Variants in EEFSEC observed in about 807,000 individuals in gnomAD.
EEFSEC encodes eukaryotic elongation factor, selenocysteine-tRNA specific, also known as selenocysteine-specific elongation factor.
Under a neutral mutation model 42.1 loss-of-function variants are expected in EEFSEC, and 43 were observed. That is an observed-to-expected ratio of 1.02 (90% CI 0.80 to 1.32). The LOEUF is 1.32. Among genes scored for constraint, EEFSEC ranks in the 40% most tolerant of loss-of-function variants. The pLI is 0.00. For synonymous variants in EEFSEC, 354 were observed against 339.1 expected, an observed-to-expected ratio of 1.04 and a Z score of -0.48; for missense variants, 745 against 803.6, an observed-to-expected ratio of 0.93 and a Z score of 0.88.
At chr3:128,423,068 G>A in the EEFSEC span, among the ~76,000 whole-genome samples, 2 of 152,228 alleles carry the variant, frequency 1.3e-5, no homozygotes, top group South Asian at 2.1e-4. Context: ...CTGTGCCTCA[G>A]CGAAATGAAA....
intron 1 of EEFSEC, among the ~76,000 whole-genome samples, chr3:128,245,666 T>A (rs1157871472): frequency 2.0e-5 from 3 of 152,140 alleles, no homozygotes; most frequent in Non-Finnish European, 2.9e-5. Flanking sequence ...AGCAGTGGTG[T>A]CAGGAGCCCT....
chr3:128,363,754 A>G (rs1031708541), intron 6 of EEFSEC, among the ~76,000 whole-genome samples: 26 of 152,356 alleles, frequency 1.7e-4, no homozygotes, highest in Admixed American at 6.5e-4. Context: ...GCTTGCATGA[A>G]TGAATAAATG....
At chr3:128,169,743 T>C (rs1164297408) in intron 1 of EEFSEC, among the ~76,000 whole-genome samples, 1 of 152,198 alleles carries the variant, frequency 6.6e-6, no homozygotes, top group Non-Finnish European at 1.5e-5. Flanking sequence ...TAAGGACACA[T>C]TCCTGAACCA....
At chr3:128,372,206 A>T (rs1576679921) in intron 6 of EEFSEC, among the ~76,000 whole-genome samples, 1 of 152,170 alleles carries the variant, frequency 6.6e-6, no homozygotes. Flanking sequence ...CTGTCTCTGG[A>T]GGGTCTCTCC....
intron 1 of EEFSEC, among the ~76,000 whole-genome samples, chr3:128,195,899 G>A (rs1044759962): frequency 6.6e-6 from 1 of 152,246 alleles, no homozygotes; most frequent in African/African-American, 2.4e-5. Flanking sequence ...ACTATTTCAG[G>A]AAGTGTTTGG....
At chr3:128,367,236 A>AG (rs2067601006) in intron 6 of EEFSEC, among the ~76,000 whole-genome samples, 1 of 152,248 alleles carries the variant, frequency 6.6e-6, no homozygotes, top group Non-Finnish European at 1.5e-5. Flanking sequence ...ATGAATTTGA[A>AG]GGGACACAGT....
chr3:128,342,665 G>A (rs1301543209), intron 5 of EEFSEC, among the ~76,000 whole-genome samples: 1 of 152,212 alleles, frequency 6.6e-6, no homozygotes, highest in African/African-American at 2.4e-5. Flanking sequence ...GTGCTTTCAG[G>A]GTGGTGCCTG....
At chr3:128,421,486 G>C in the EEFSEC span, among the ~76,000 whole-genome samples, 13 of 152,176 alleles carry the variant, frequency 8.5e-5, no homozygotes, top group Middle Eastern at 3.2e-3. Context: ...CACAGTCTCC[G>C]GGACCTGACT....
chr3:128,361,661 G>A lies in EEFSEC; in HGVS notation c.1600+3288G>A, dbSNP rs117229127. 7.9e-5 allele frequency among the ~76,000 whole-genome samples: 12 copies of A among 152,302 alleles called. No homozygotes were observed. In the East Asian group the frequency reaches 1.2e-3, roughly 15 times the overall value. On this transcript the variant is annotated intron_variant, in intron 6 of 6. Coordinates refer to ENST00000254730, the MANE Select transcript of EEFSEC (RefSeq NM_021937.5). ...GTGGGAAATCAGAGGGCTGGGGGAC[G>A]GCCCCATCCTTCCTGATATCCAAGG...
intron 5 of EEFSEC, among the ~76,000 whole-genome samples, chr3:128,342,091 G>A (rs1189759833): frequency 2.0e-5 from 3 of 152,212 alleles, no homozygotes; most frequent in Non-Finnish European, 2.9e-5. Context: ...ACAGAGCCAG[G>A]GCCAGCACCT....
At position 128,197,270 on chromosome 3, in the gene EEFSEC, A is replaced by G. The variant is rs115348104; in HGVS notation, c.316+43447A>G. Among the ~76,000 whole-genome samples, 1,113 of 152,206 alleles carry G rather than the reference A, an allele frequency of 7.3e-3. 7 individuals are homozygous for G. Among genetic ancestry groups the G allele is most frequent in the Non-Finnish European group, 9.8e-3 (667 of 67,994 alleles). On this transcript the variant is annotated intron_variant, in intron 1 of 6. Coordinates refer to ENST00000254730, the MANE Select transcript of EEFSEC (RefSeq NM_021937.5). ...TAGAATCCTGGAGGCGGAAATACGC[A>G]TTTTGTTTTTCTTTTTTTTGAGACG...
chr3:128,364,377 A>G (rs966967594), intron 6 of EEFSEC, among the ~76,000 whole-genome samples: 1 of 152,140 alleles, frequency 6.6e-6, no homozygotes, highest in African/African-American at 2.4e-5. Flanking sequence ...GGCCAGAGCA[A>G]GCTTCCTGGA....
At chr3:128,222,141 CT>C (rs746445087) in intron 1 of EEFSEC, among the ~76,000 whole-genome samples, 43 of 146,196 alleles carry the variant, frequency 2.9e-4, no homozygotes, top group Non-Finnish European at 4.9e-4. Context: ...TCAAGCGATT[CT>C]CATGCCCCAG....
At position 128,198,367 on chromosome 3, in the gene EEFSEC, C is replaced by T. The variant is rs571774113; in HGVS notation, c.316+44544C>T. On this transcript the variant is annotated intron_variant, in intron 1 of 6. Transcript: ENST00000254730. ...TAGCATTTCTTCCTGAGAAGTAGTT[C>T]TTGTGGTTGAATTATGTATATGTGT... Among the ~76,000 whole-genome samples, 13 of 152,258 alleles carry T rather than the reference C, an allele frequency of 8.5e-5. No homozygotes were observed. In the South Asian group the frequency reaches 2.7e-3, roughly 32 times the overall value.
chr3:128,250,214 C>T (rs895109999), intron 2 of EEFSEC, among the ~76,000 whole-genome samples: 2 of 152,124 alleles, frequency 1.3e-5, no homozygotes, highest in Non-Finnish European at 2.9e-5. Flanking sequence ...TGTCTTTTCA[C>T]TTCGTTGATA....
chr3:128,399,210 G>A (rs114966678), intron 6 of EEFSEC, among the ~76,000 whole-genome samples: 1,679 of 152,238 alleles, frequency 0.011, 20 homozygotes, highest in African/African-American at 0.038. Flanking sequence ...TACATGGTGC[G>A]GGAAAGATTT....
chr3:128,421,197 G>A, the EEFSEC span, among the ~76,000 whole-genome samples: 1 of 152,340 alleles, frequency 6.6e-6, no homozygotes, highest in Admixed American at 6.5e-5. Context: ...TTGAGGCCCT[G>A]GCAGGGCAGG....
intron 6 of EEFSEC, among the ~76,000 whole-genome samples, chr3:128,362,755 G>A (rs144950741): frequency 2.1e-3 from 321 of 152,320 alleles, no homozygotes; most frequent in African/African-American, 7.5e-3. Flanking sequence ...CCAGAGAGCC[G>A]TGATTGAGAA....
intron 6 of EEFSEC, among the ~76,000 whole-genome samples, chr3:128,391,121 C>T (rs1432579875): frequency 3.3e-5 from 5 of 152,266 alleles, no homozygotes; most frequent in East Asian, 1.9e-4. Flanking sequence ...TCTGCAGCCC[C>T]GCCCCCGGTG....
Sources: allele counts gnomAD v4.1 joint callset (sites outside exome capture counted in the v4.1 genomes callset), GRCh38; gene constraint gnomAD v4.1.1; transcripts MANE v1.5; gene names NCBI Gene and HGNC (gene_info 2026-07-23, HGNC 2026-07-21).